Variants in AFF3 observed in about 807,000 individuals in gnomAD.
The protein encoded by AFF3 is AF4/FMR2 family member 3.
Under a neutral mutation model 129.7 loss-of-function variants are expected in AFF3, and 32 were observed. The observed-to-expected ratio is 0.25, with a 90% CI of 0.19 to 0.33. The LOEUF is 0.33. Ranked by LOEUF, AFF3 falls within the 10% of genes least tolerant of loss-of-function variation. The pLI is 1.00. For synonymous variants in AFF3, 644 were observed against 635.4 expected (o/e 1.01, Z -0.20); for missense variants, 1,373 against 1,592.0 (o/e 0.86, Z 2.34).
intron 7 of AFF3, among the ~76,000 whole-genome samples, chr2:99,948,011 G>A (rs1675798873): frequency 6.6e-6 from 1 of 152,146 alleles, no homozygotes; most frequent in Non-Finnish European, 1.5e-5. Flanking sequence ...GTGCTTAAAA[G>A]CACTGAATGC....
intron 1 of AFF3, among the ~76,000 whole-genome samples, chr2:100,133,819 G>C (rs909635319): frequency 6.6e-6 from 1 of 152,190 alleles, no homozygotes; most frequent in South Asian, 2.1e-4. Context: ...TGTAGTCCCA[G>C]CTTCTGGGGA....
chr2:99,780,755 T>G (rs1684340031), intron 8 of AFF3, among the ~76,000 whole-genome samples: 1 of 152,200 alleles, frequency 6.6e-6, no homozygotes, highest in Admixed American at 6.5e-5. Flanking sequence ...TCTTTCACCC[T>G]GAGCATGCCA....
chr2:99,954,479 G>A (rs62149264), intron 7 of AFF3, among the ~76,000 whole-genome samples: 14,154 of 151,866 alleles, frequency 0.093, 908 homozygotes, highest in Non-Finnish European at 0.13. Context: ...TGTTTACTGC[G>A]GCACTATTCA....
At chr2:99,730,364 G>A (rs1017104441) in intron 10 of AFF3, among the ~76,000 whole-genome samples, 1 of 152,150 alleles carries the variant, frequency 6.6e-6, no homozygotes, top group Non-Finnish European at 1.5e-5. Context: ...TGGAATTCAT[G>A]CTCTTTAAAC....
chr2:99,609,381 C>T (rs1455729962), intron 13 of AFF3, among the ~76,000 whole-genome samples: 1 of 152,000 alleles, frequency 6.6e-6, no homozygotes, highest in East Asian at 1.9e-4. Context: ...CCCTCACTCC[C>T]CTCCCACCTT....
chr2:100,018,527 A>T (rs555105201), intron 4 of AFF3, among the ~76,000 whole-genome samples: 5 of 152,334 alleles, frequency 3.3e-5, no homozygotes, highest in African/African-American at 9.6e-5. Context: ...TCAGGCTCTA[A>T]TGGAATTGTT....
At chr2:99,575,727 A>C (rs1676928886) in intron 18 of AFF3, among the ~76,000 whole-genome samples, 3 of 152,202 alleles carry the variant, frequency 2.0e-5, no homozygotes, top group Non-Finnish European at 4.4e-5. Context: ...GATATGTAAC[A>C]GTGTTTTTTT....
intron 4 of AFF3, among the ~76,000 whole-genome samples, chr2:100,012,898 C>T (rs1218958269): frequency 6.6e-6 from 1 of 152,176 alleles, no homozygotes; most frequent in Non-Finnish European, 1.5e-5. Flanking sequence ...TGCAAAGTTG[C>T]TCCTATTTCC....
intron 7 of AFF3, among the ~76,000 whole-genome samples, chr2:99,838,459 G>T (rs1479688772): frequency 2.0e-5 from 3 of 152,104 alleles, no homozygotes; most frequent in Non-Finnish European, 1.5e-5. Context: ...ACCTTTCCTG[G>T]TTTTTCTAGT....
chr2:99,775,134 G>A (rs1466324262), intron 8 of AFF3, among the ~76,000 whole-genome samples: 1 of 152,228 alleles, frequency 6.6e-6, no homozygotes, highest in Non-Finnish European at 1.5e-5. Flanking sequence ...CTTTTATACT[G>A]TTGGTGGGAG....
At chr2:99,664,791 C>T (rs1328491295) in intron 12 of AFF3, among the ~76,000 whole-genome samples, 1 of 152,220 alleles carries the variant, frequency 6.6e-6, no homozygotes, top group Non-Finnish European at 1.5e-5. Flanking sequence ...TTCTGCTGTG[C>T]CAGACACAGT....
intron 11 of AFF3, among the ~76,000 whole-genome samples, chr2:99,698,837 A>G (rs1676558037): frequency 6.6e-6 from 1 of 152,240 alleles, no homozygotes; most frequent in African/African-American, 2.4e-5. Context: ...AAATATAACC[A>G]AAATGTTATT....
rs573870526 is a variant in AFF3, at chr2:99,741,256, T to C, written c.1039+2848A>G. Among the ~76,000 whole-genome samples the C allele has an allele frequency of 3.9e-5, 6 of 152,170 alleles. No individual in the cohort carries two copies. The East Asian group carries it at 1.2e-3, about 29-fold the overall frequency. ...GGAGAAGGAAACAAAGGGTATTCAA[T>C]TAGGAAAAGAGGAAGTCAAATTGTC... On this transcript the variant is annotated intron_variant, in intron 10 of 24. Coordinates refer to ENST00000672756, the MANE Select transcript of AFF3 (RefSeq NM_001386135.1).
intron 4 of AFF3, among the ~76,000 whole-genome samples, chr2:100,094,185 G>A (rs1409972210): frequency 1.3e-5 from 2 of 152,208 alleles, no homozygotes; most frequent in Non-Finnish European, 2.9e-5. Flanking sequence ...ACCAGGGGTG[G>A]AGAGATGGTT....
At chr2:99,586,487 G>C (rs1488720906) in intron 16 of AFF3, among the ~76,000 whole-genome samples, 1 of 152,212 alleles carries the variant, frequency 6.6e-6, no homozygotes, top group African/African-American at 2.4e-5. Context: ...CGGTCAGGGA[G>C]GGTGAGGAGT....
intron 13 of AFF3, among the ~76,000 whole-genome samples, chr2:99,632,225 G>C (rs1422881222): frequency 1.3e-5 from 2 of 151,982 alleles, no homozygotes; most frequent in African/African-American, 4.8e-5. Context: ...GTGTTGGCCA[G>C]GCTGGTCTTG....
At chr2:99,768,784 T>A (rs1022749799) in intron 8 of AFF3, among the ~76,000 whole-genome samples, 1 of 151,952 alleles carries the variant, frequency 6.6e-6, no homozygotes, top group African/African-American at 2.4e-5. Flanking sequence ...GGGGTAAAAG[T>A]TTTTTTTCCT....
In AFF3 at chr2:100,008,866, T is replaced by C; in HGVS notation, c.120A>G (p.Gln40=). 6.2e-7 allele frequency: 1 copy of C among 1,614,082 alleles called. No homozygotes were observed. The highest frequency in any genetic ancestry group is 1.1e-5 in the South Asian group (1 of 91,026). The part of the protein sequence containing the change: ...KERERRNQET[Q]QDDGTFNSSY... ...TAGAATTAAACGTGCCATCATCCTG[T>C]TGAGTTTCTTGATTTCTTCTTTCTC... is the stretch of plus-strand genomic sequence containing the variant. Residue 40 remains glutamine, a synonymous_variant, in exon 5 of 25, where the codon CAA becomes CAG. Coordinates refer to ENST00000672756, the MANE Select transcript of AFF3 (RefSeq NM_001386135.1).
At chr2:99,845,512 C>G (rs1022274972) in intron 7 of AFF3, among the ~76,000 whole-genome samples, 3 of 152,120 alleles carry the variant, frequency 2.0e-5, no homozygotes, top group Non-Finnish European at 4.4e-5. Flanking sequence ...TCCATGGGGT[C>G]ATGTCTCAAA....
Sources: gnomAD v4.1 joint callset for allele counts (sites outside exome capture counted in the v4.1 genomes callset) on GRCh38, gnomAD v4.1.1 for gene constraint, MANE v1.5 for transcripts, NCBI Gene and HGNC (gene_info 2026-07-23, HGNC 2026-07-21) for gene names.